Variants in FAM114A2 observed in about 807,000 individuals in gnomAD.
FAM114A2 encodes the protein family with sequence similarity 114 member A2, also known as protein FAM114A2.
A neutral mutation model predicts 58.4 loss-of-function variants in FAM114A2; 53 were observed. The observed-to-expected ratio is 0.91, with a 90% confidence interval of 0.73 to 1.14. The LOEUF (loss-of-function observed/expected upper bound fraction) is 1.14, where lower values mean the gene tolerates loss of function less well. Among genes scored for constraint, FAM114A2 ranks in the 50% most tolerant of loss-of-function variants. FAM114A2 has a pLI of 0.00. For synonymous variants in FAM114A2, 228 were observed against 211.4 expected (o/e 1.08, Z -0.68); for missense variants, 601 against 581.1 (o/e 1.03, Z -0.35).
chr5:154,029,337 C>A, intron 5 of FAM114A2, 152 bp downstream of exon 5: 1 of 511,592 alleles, frequency 2.0e-6, no homozygotes, highest in South Asian at 2.2e-5. Flanking sequence ...GCATTCACTC[C>A]ACCCATAAGA....
intron 1 of FAM114A2, among the ~76,000 whole-genome samples, chr5:154,035,787 C>T (rs566352999): frequency 4.1e-4 from 62 of 152,306 alleles, no homozygotes; most frequent in African/African-American, 1.5e-3. Flanking sequence ...ACTAGCTACA[C>T]CATTTTACAT....
At chr5:154,030,497 G>C (rs947226801) in intron 4 of FAM114A2, among the ~76,000 whole-genome samples, 6 of 152,168 alleles carry the variant, frequency 3.9e-5, no homozygotes, top group African/African-American at 1.2e-4. Context: ...ACAAGACTTC[G>C]GTTCACACAA....
chr5:154,028,088 C>T, intron 6 of FAM114A2, 61 bp downstream of exon 6: 1 of 1,422,312 alleles, frequency 7.0e-7, no homozygotes, highest in Non-Finnish European at 9.5e-7. Context: ...TCCAAGTAAA[C>T]AAAGGCAAAA....
At chr5:154,009,222 A>G (rs1405620151) in intron 9 of FAM114A2, among the ~76,000 whole-genome samples, 5 of 152,190 alleles carry the variant, frequency 3.3e-5, no homozygotes, top group African/African-American at 4.8e-5. Flanking sequence ...TGAGTCTAGA[A>G]TATCTTGTTA....
chr5:154,002,344 C>T lies in FAM114A2; in HGVS notation c.1163G>A (p.Cys388Tyr), dbSNP rs1339479441. The change falls in exon 11 of 14, where the codon TGC becomes TAC. Residue 388 changes from cysteine (C) to tyrosine (Y), a missense_variant. Physicochemically the swap from Cys to Tyr is radical, Grantham distance 194 (BLOSUM62 -2). Transcript: ENST00000351797. The stretch of plus-strand genomic sequence containing the variant: ...TGTTTTGTGGAATAGTTCAATTGAG[C>T]AGGCAGTCAGTTCAGCCAGGCTCCG... ...AIRSLAELTA[C>Y]SIELFHKTAA... is the part of the protein sequence containing the mutation. 1 of 1,613,868 alleles carries T rather than the reference C, an allele frequency of 6.2e-7. No homozygotes were observed. Among genetic ancestry groups the T allele is most frequent in the African/African-American group, 1.3e-5 (1 of 74,916 alleles).
chr5:154,023,784 A>C (rs1197247387), intron 8 of FAM114A2, among the ~76,000 whole-genome samples: 1 of 152,308 alleles, frequency 6.6e-6, no homozygotes, highest in South Asian at 2.1e-4. Context: ...GGAAATAAAA[A>C]AAATTGAAAA....
At chr5:154,009,613 A>G in intron 9 of FAM114A2, among the ~76,000 whole-genome samples, 1 of 152,202 alleles carries the variant, frequency 6.6e-6, no homozygotes, top group East Asian at 1.9e-4. Flanking sequence ...AACTGTACAG[A>G]ACAAAATCAG....
intron 5 of FAM114A2, among the ~76,000 whole-genome samples, chr5:154,028,528 A>G (rs552989145): frequency 1.3e-5 from 2 of 152,314 alleles, no homozygotes; most frequent in East Asian, 3.9e-4. Context: ...TTACATCCTA[A>G]CAGAAATAAG....
At chr5:154,024,389 T>C (rs1771642261) in intron 8 of FAM114A2, among the ~76,000 whole-genome samples, 1 of 152,170 alleles carries the variant, frequency 6.6e-6, no homozygotes, top group Non-Finnish European at 1.5e-5. Context: ...ATAAACCTAC[T>C]TTTTATTTTA....
At chr5:154,024,405 C>G (rs1294833358) in intron 8 of FAM114A2, among the ~76,000 whole-genome samples, 6 of 152,004 alleles carry the variant, frequency 3.9e-5, no homozygotes, top group African/African-American at 1.4e-4. Context: ...TTTTAAAAAA[C>G]TATATTTTTC....
intron 8 of FAM114A2, 41 bp from the exon 9 acceptor site, chr5:154,011,361 GC>G: frequency 7.1e-7 from 1 of 1,412,186 alleles, no homozygotes; most frequent in Non-Finnish European, 1.0e-6. Flanking sequence ...CAGAAAGACT[GC>G]TGAGGATCAT....
At chr5:154,037,098 A>G (rs1772614449) in intron 1 of FAM114A2, 1 of 152,260 alleles carries the variant, frequency 6.6e-6, no homozygotes, top group Admixed American at 6.5e-5. Flanking sequence ...GAAGCTTATG[A>G]TTTTGACAGA....
chr5:154,029,670 A>G (rs1216445277), intron 4 of FAM114A2, 90 bp from the exon 5 acceptor site: 23 of 665,326 alleles, frequency 3.5e-5, no homozygotes, highest in Admixed American at 1.8e-4. Flanking sequence ...TTAAAACTAG[A>G]CCCTGCTTAC....
chr5:154,026,575 A>T, intron 7 of FAM114A2, 53 bp from the exon 8 acceptor site: 2 of 1,263,190 alleles, frequency 1.6e-6, no homozygotes, highest in Non-Finnish European at 2.1e-6. Flanking sequence ...AAAGAAAAAC[A>T]TTCACAAATA....
chr5:154,037,219 C>T (rs1170013636), intron 1 of FAM114A2: 1 of 152,228 alleles, frequency 6.6e-6, no homozygotes, highest in Non-Finnish European at 1.5e-5. Flanking sequence ...GAGTAGTTAC[C>T]ATGGCAGAGA....
At position 154,029,568 on chromosome 5, in the gene FAM114A2, G is replaced by A. The variant is rs1263640675; in HGVS notation, c.416C>T (p.Ala139Val). Residue 139 changes from alanine (A) to valine (V), a missense_variant, in exon 5 of 14, where the codon GCC (alanine) becomes GTC (valine). Transcript: ENST00000351797. Reference protein sequence around the residue: ...EVKYVAGETNAKENENSSPVA... With the variant: ...EVKYVAGETNVKENENSSPVA... ...TGGGGAGGAGTTTTCATTCTCTTTGGCATTTGTCTCTCCTACAAGAGGGAG... is the reference window on the plus strand; with the variant it reads ...TGGGGAGGAGTTTTCATTCTCTTTGACATTTGTCTCTCCTACAAGAGGGAG... 61 of 1,602,640 alleles carry A rather than the reference G, an allele frequency of 3.8e-5. No individual in the cohort carries two copies. The highest frequency in any genetic ancestry group is 4.5e-5 in the Non-Finnish European group (53 of 1,170,282).
At chr5:154,008,160 A>G (rs1210089206) in intron 9 of FAM114A2, among the ~76,000 whole-genome samples, 1 of 152,196 alleles carries the variant, frequency 6.6e-6, no homozygotes, top group Non-Finnish European at 1.5e-5. Context: ...ATCAGAGGAG[A>G]TAAGAAAATA....
chr5:154,016,283 G>A lies in FAM114A2; in HGVS notation c.914-4963C>T, dbSNP rs578121891. On this transcript the variant is annotated intron_variant, in intron 8 of 13. Transcript: ENST00000351797. Reference sequence around the variant, plus strand: ...TCAAAGAACATCTGGGAAATTCATCGCAAAAAGACCATCGCCTAGGCACAT... The same window carrying A: ...TCAAAGAACATCTGGGAAATTCATCACAAAAAGACCATCGCCTAGGCACAT... 9.2e-5 allele frequency among the ~76,000 whole-genome samples: 14 copies of A among 152,230 alleles called. No individual in the cohort carries two copies. In the South Asian group the frequency reaches 1.5e-3, roughly 16 times the overall value.
intron 8 of FAM114A2, among the ~76,000 whole-genome samples, chr5:154,018,349 G>C (rs145382478): frequency 0.011 from 1,646 of 152,134 alleles, 38 homozygotes; most frequent in African/African-American, 0.037. Flanking sequence ...AACCCTCCTA[G>C]CTTAAATCAG....
Sources: gnomAD v4.1 joint callset for allele counts (sites outside exome capture counted in the v4.1 genomes callset) on GRCh38, gnomAD v4.1.1 for gene constraint, MANE v1.5 for transcripts, NCBI Gene and HGNC (gene_info 2026-07-23, HGNC 2026-07-21) for gene names.